The following SDHAF3 variants were observed in gnomAD, a reference collection of about 807,000 sequenced individuals.
SDHAF3 encodes the protein succinate dehydrogenase complex assembly factor 3.
A neutral mutation model predicts 11.5 loss-of-function variants in SDHAF3; 18 were observed. That is an observed-to-expected ratio of 1.56 (90% CI 1.08 to 2.32). The LOEUF (loss-of-function observed/expected upper bound fraction) is 2.32, where lower values mean the gene tolerates loss of function less well. Among genes scored for constraint, SDHAF3 ranks in the 30% most tolerant of loss-of-function variants. SDHAF3 has a pLI of 0.00. For missense variants in SDHAF3, 200 were observed against 154.4 expected (o/e 1.30, Z -1.57); for synonymous variants, 72 against 59.3 (o/e 1.21, Z -0.99).
intron 1 of SDHAF3, among the ~76,000 whole-genome samples, chr7:97,130,721 CCA>C (rs989261365): frequency 1.8e-4 from 27 of 152,206 alleles, no homozygotes; most frequent in African/African-American, 6.5e-4. Context: ...ATGGGGACAA[CCA>C]CATAGTGAGT....
At chr7:97,172,607 G>A (rs954903997) in intron 1 of SDHAF3, among the ~76,000 whole-genome samples, 1 of 151,966 alleles carries the variant, frequency 6.6e-6, no homozygotes, top group Non-Finnish European at 1.5e-5. Flanking sequence ...ATGCCACTTT[G>A]GTTCTAGCCT....
At chr7:97,118,768 A>C (rs1458074315) in intron 1 of SDHAF3, among the ~76,000 whole-genome samples, 1 of 151,996 alleles carries the variant, frequency 6.6e-6, no homozygotes, top group Non-Finnish European at 1.5e-5. Flanking sequence ...AGGGGAGATG[A>C]CTGAAGTCGG....
chr7:97,134,328 T>C (rs952390957), intron 1 of SDHAF3, among the ~76,000 whole-genome samples: 4 of 152,200 alleles, frequency 2.6e-5, no homozygotes, highest in East Asian at 3.8e-4. Flanking sequence ...GCTATAGATA[T>C]ATATAACTGA....
chr7:97,138,167 A>AT (rs11345197), intron 1 of SDHAF3, among the ~76,000 whole-genome samples: 8,858 of 134,236 alleles, frequency 0.066, 654 homozygotes, highest in East Asian at 0.3. Context: ...CCCCACTGGC[A>AT]TTTTTTTTTT....
chr7:97,150,689 G>A (rs1157052726), intron 1 of SDHAF3, among the ~76,000 whole-genome samples: 1 of 149,258 alleles, frequency 6.7e-6, no homozygotes. Flanking sequence ...TCAGCCTCCC[G>A]AGTAGCTGGG....
intron 1 of SDHAF3, among the ~76,000 whole-genome samples, chr7:97,152,473 A>G (rs1055627055): frequency 1.3e-5 from 2 of 152,182 alleles, no homozygotes; most frequent in African/African-American, 4.8e-5. Context: ...CAGATATCCC[A>G]GTTTATGGGT....
intron 1 of SDHAF3, among the ~76,000 whole-genome samples, chr7:97,165,638 T>A (rs1205712951): frequency 6.6e-6 from 1 of 152,208 alleles, no homozygotes; most frequent in African/African-American, 2.4e-5. Flanking sequence ...AACCTCGGTC[T>A]GAATTCTGAT....
At chr7:97,163,656 A>C (rs1253053169) in intron 1 of SDHAF3, among the ~76,000 whole-genome samples, 2 of 151,954 alleles carry the variant, frequency 1.3e-5, no homozygotes, top group African/African-American at 4.8e-5. Flanking sequence ...TTAACATTTG[A>C]GGTTAATATA....
chr7:97,127,381 G>T (rs917527599), intron 1 of SDHAF3, among the ~76,000 whole-genome samples: 1 of 152,150 alleles, frequency 6.6e-6, no homozygotes, highest in African/African-American at 2.4e-5. Flanking sequence ...TGATAATTTA[G>T]TTATTATAAC....
intron 1 of SDHAF3, among the ~76,000 whole-genome samples, chr7:97,144,470 C>A (rs1430719214): frequency 1.3e-5 from 2 of 152,108 alleles, no homozygotes; most frequent in African/African-American, 4.8e-5. Flanking sequence ...GTCCTTGATC[C>A]ATCTTGAGTT....
intron 1 of SDHAF3, among the ~76,000 whole-genome samples, chr7:97,162,462 A>G: frequency 6.6e-6 from 1 of 151,892 alleles, no homozygotes; most frequent in Non-Finnish European, 1.5e-5. Context: ...TAGTTCTCTA[A>G]TTCTTTTAAT....
At chr7:97,150,657 G>A (rs538870963) in intron 1 of SDHAF3, among the ~76,000 whole-genome samples, 4 of 149,712 alleles carry the variant, frequency 2.7e-5, no homozygotes, top group African/African-American at 7.4e-5. Context: ...TCTGCCACCC[G>A]GGTTCACGCC....
At chr7:97,119,431 C>T (rs1442403481) in intron 1 of SDHAF3, among the ~76,000 whole-genome samples, 1 of 152,048 alleles carries the variant, frequency 6.6e-6, no homozygotes, top group Non-Finnish European at 1.5e-5. Flanking sequence ...TGTTAGTTGA[C>T]CTAGTAGGCT....
intron 1 of SDHAF3, among the ~76,000 whole-genome samples, chr7:97,155,196 T>C (rs1031941966): frequency 7.9e-5 from 12 of 152,214 alleles, no homozygotes; most frequent in African/African-American, 2.9e-4. Flanking sequence ...GAGGTCAATT[T>C]GGGGAGCATT....
At chr7:97,121,850 T>G (rs1349400148) in intron 1 of SDHAF3, among the ~76,000 whole-genome samples, 4 of 124,042 alleles carry the variant, frequency 3.2e-5, no homozygotes, top group Non-Finnish European at 4.9e-5. Context: ...GGTTTTTTTT[T>G]TTTGTTTTTT....
intron 1 of SDHAF3, among the ~76,000 whole-genome samples, chr7:97,150,562 CTTT>C (rs34184405): frequency 1.6e-4 from 17 of 104,736 alleles, no homozygotes; most frequent in Non-Finnish European, 2.3e-4. Flanking sequence ...TCTTTTTTTC[CTTT>C]TTTTTTTTTT....
At chr7:97,129,295 A>C (rs919160977) in intron 1 of SDHAF3, among the ~76,000 whole-genome samples, 3 of 152,074 alleles carry the variant, frequency 2.0e-5, no homozygotes, top group African/African-American at 7.2e-5. Flanking sequence ...CTGGTGTTTG[A>C]GTTCACTTGG....
intron 1 of SDHAF3, among the ~76,000 whole-genome samples, chr7:97,153,484 A>C (rs1237145831): frequency 6.6e-6 from 1 of 152,206 alleles, no homozygotes; most frequent in Non-Finnish European, 1.5e-5. Flanking sequence ...AAGTTTTGTC[A>C]ATTATGAATG....
intron 1 of SDHAF3, among the ~76,000 whole-genome samples, chr7:97,162,089 G>T (rs1482914194): frequency 3.3e-5 from 5 of 152,140 alleles, no homozygotes; most frequent in South Asian, 2.1e-4. Flanking sequence ...ATCCTCTTCA[G>T]CATCTGTTGT....
Sources: allele counts gnomAD v4.1 joint callset (sites outside exome capture counted in the v4.1 genomes callset), GRCh38; gene constraint gnomAD v4.1.1; transcripts MANE v1.5; gene names NCBI Gene and HGNC (gene_info 2026-07-23, HGNC 2026-07-21).